The following ADK variants were observed in gnomAD, a reference collection of about 807,000 sequenced individuals.
ADK encodes N6,N6-dimethyladenosine kinase.
Under a neutral mutation model 44.7 loss-of-function variants are expected in ADK, and 24 were observed. The observed-to-expected ratio is 0.54, with a 90% CI of 0.39 to 0.76. The LOEUF (loss-of-function observed/expected upper bound fraction) is 0.76, where lower values mean the gene tolerates loss of function less well. Among genes scored for constraint, ADK ranks in the 30% least tolerant of loss-of-function variants. The probability of loss-of-function intolerance (pLI) is 0.00; values close to 1 mark genes in which losing one functional copy is unlikely to be tolerated. For missense variants in ADK, 321 were observed against 425.1 expected (o/e 0.76, Z 2.15); for synonymous variants, 128 against 142.6 (o/e 0.90, Z 0.73).
chr10:74,439,314 T>C (rs566384124), intron 6 of ADK, among the ~76,000 whole-genome samples: 1 of 124,912 alleles, frequency 8.0e-6, no homozygotes, highest in Non-Finnish European at 1.9e-5. Flanking sequence ...AAAGGGTCAC[T>C]GTACTGTTTT....
rs943040890 is a variant in ADK at position 74,383,094 on chromosome 10, A to G, written c.274-11047A>G. On this transcript the variant is annotated intron_variant, in intron 4 of 10. Coordinates refer to ENST00000539909, the MANE Select transcript of ADK (RefSeq NM_006721.4). The stretch of plus-strand genomic sequence containing the variant: ...AATTTGACTTAGAAGTAACAATAAC[A>G]ATAGTATTAGTGATACTGCTACAAT... Among the ~76,000 whole-genome samples the G allele has an allele frequency of 2.0e-5, 3 of 152,050 alleles. No individual in the cohort carries two copies. In the East Asian group the frequency reaches 5.8e-4, roughly 29 times the overall value.
chr10:74,177,489 A>C (rs911120717), intron 1 of ADK, among the ~76,000 whole-genome samples: 3 of 152,188 alleles, frequency 2.0e-5, no homozygotes, highest in Non-Finnish European at 4.4e-5. Flanking sequence ...AGCGAAATCC[A>C]TGAAACTGGA....
intron 9 of ADK, among the ~76,000 whole-genome samples, chr10:74,647,087 A>G (rs2134116471): frequency 6.6e-6 from 1 of 151,826 alleles, no homozygotes; most frequent in Admixed American, 6.5e-5. Flanking sequence ...CAATTAATAA[A>G]CATAGTCATT....
At chr10:74,184,106 C>T (rs566550132) in intron 1 of ADK, among the ~76,000 whole-genome samples, 28 of 151,964 alleles carry the variant, frequency 1.8e-4, no homozygotes, top group Non-Finnish European at 3.1e-4. Flanking sequence ...TTAGTAGAGA[C>T]GGGGTTTCAC....
chr10:74,484,551 A>G (rs1231040778), intron 6 of ADK, among the ~76,000 whole-genome samples: 1 of 152,222 alleles, frequency 6.6e-6, no homozygotes, highest in Non-Finnish European at 1.5e-5. Flanking sequence ...GAGCCATAGA[A>G]TCAATGCCTT....
At chr10:74,173,431 CT>C (rs574254535) in intron 1 of ADK, among the ~76,000 whole-genome samples, 56 of 130,844 alleles carry the variant, frequency 4.3e-4, no homozygotes, top group Admixed American at 9.3e-4. Flanking sequence ...CTTTTTCTTT[CT>C]TTTTTTTTTT....
chr10:74,661,961 T>C (rs533490380), intron 9 of ADK, among the ~76,000 whole-genome samples: 1 of 152,332 alleles, frequency 6.6e-6, no homozygotes, highest in South Asian at 2.1e-4. Flanking sequence ...ATCATAACTA[T>C]TGTTCTATGA....
chr10:74,430,840 A>T (rs758050126), intron 6 of ADK, among the ~76,000 whole-genome samples: 8 of 151,944 alleles, frequency 5.3e-5, no homozygotes, highest in Non-Finnish European at 1.0e-4. Flanking sequence ...TGAGAAGGAA[A>T]TATGCCTAGA....
chr10:74,702,570 T>TCCTTCCTTCCTTCCTTCCTTCCTTCCTC (rs760455986), intron 10 of ADK, among the ~76,000 whole-genome samples: 1 of 146,262 alleles, frequency 6.8e-6, no homozygotes, highest in African/African-American at 2.6e-5. Context: ...CTTCCTTCCT[T>TCCTTCCTTCCTTCCTTCCTTCCTTCCTC]CCTCTCTCTC....
At chr10:74,661,042 A>T (rs1018064165) in intron 9 of ADK, among the ~76,000 whole-genome samples, 2 of 152,296 alleles carry the variant, frequency 1.3e-5, no homozygotes, top group Admixed American at 6.5e-5. Flanking sequence ...AAAGAAAAAA[A>T]AAAGGAAAAA....
intron 1 of ADK, among the ~76,000 whole-genome samples, chr10:74,164,794 A>G (rs964609123): frequency 1.3e-5 from 2 of 152,214 alleles, no homozygotes. Context: ...ATGTAAAAAA[A>G]CACCACATCA....
intron 4 of ADK, among the ~76,000 whole-genome samples, chr10:74,320,622 C>G (rs1840775988): frequency 1.3e-5 from 2 of 151,804 alleles, no homozygotes; most frequent in Middle Eastern, 3.4e-3. Context: ...ATATGTTGGT[C>G]TGTGGTGATT....
intron 3 of ADK, among the ~76,000 whole-genome samples, chr10:74,262,338 A>C (rs1222433611): frequency 6.6e-6 from 1 of 150,856 alleles, no homozygotes; most frequent in Non-Finnish European, 1.5e-5. Context: ...AAACAAAAAA[A>C]CTCCTCACAT....
At chr10:74,468,351 G>A (rs549121078) in intron 6 of ADK, among the ~76,000 whole-genome samples, 43 of 152,274 alleles carry the variant, frequency 2.8e-4, no homozygotes, top group African/African-American at 1.0e-3. Flanking sequence ...TAATAAGTTT[G>A]TGCTCTCCAA....
chr10:74,256,725 A>G (rs1358151543), intron 3 of ADK, among the ~76,000 whole-genome samples: 2 of 152,168 alleles, frequency 1.3e-5, no homozygotes, highest in African/African-American at 4.8e-5. Context: ...CTTATGATGA[A>G]CAGCTAGTGT....
At chr10:74,416,637 T>C (rs1844385263) in intron 6 of ADK, among the ~76,000 whole-genome samples, 1 of 151,656 alleles carries the variant, frequency 6.6e-6, no homozygotes. Context: ...TTTTCCCTTA[T>C]CACACCGTCA....
chr10:74,573,347 T>C (rs1471070099), intron 7 of ADK, among the ~76,000 whole-genome samples: 1 of 152,196 alleles, frequency 6.6e-6, no homozygotes, highest in Non-Finnish European at 1.5e-5. Context: ...TGCTGCTGTC[T>C]GATTGTTCCT....
At chr10:74,641,477 T>C (rs1440670741) in intron 9 of ADK, 1 of 152,264 alleles carries the variant, frequency 6.6e-6, no homozygotes, top group East Asian at 1.9e-4. Flanking sequence ...GGTCTTAAGT[T>C]ATCAGTATTC....
chr10:74,201,901 A>G (rs1183746954), intron 2 of ADK, among the ~76,000 whole-genome samples: 1 of 152,116 alleles, frequency 6.6e-6, no homozygotes, highest in African/African-American at 2.4e-5. Context: ...TGTACCCAAG[A>G]GTAATTACTT....
Sources: allele counts gnomAD v4.1 joint callset (sites outside exome capture counted in the v4.1 genomes callset), GRCh38; gene constraint gnomAD v4.1.1; transcripts MANE v1.5; gene names NCBI Gene and HGNC (gene_info 2026-07-23, HGNC 2026-07-21).